KCNJ3: variants seen among roughly 807,000 people sequenced by gnomAD.
The protein encoded by KCNJ3 is potassium inwardly rectifying channel subfamily J member 3, also known as G protein-activated inward rectifier potassium channel 1.
A neutral mutation model predicts 39.2 loss-of-function variants in KCNJ3; 4 were observed. The ratio of observed to expected loss-of-function variants is 0.10; its 90% CI spans 0.05 to 0.23. The LOEUF is 0.23. KCNJ3 is among the 10% of genes least tolerant of loss of function. The pLI is 1.00. For missense variants in KCNJ3, 276 were observed against 634.9 expected (o/e 0.43, Z 6.08); for synonymous variants, 230 against 237.4 (o/e 0.97, Z 0.29).
intron 2 of KCNJ3, among the ~76,000 whole-genome samples, chr2:154,743,790 C>A (rs1685691760): frequency 6.6e-6 from 1 of 151,278 alleles, no homozygotes; most frequent in Non-Finnish European, 1.5e-5. Flanking sequence ...TTTTATTTTT[C>A]TCTTTTCAAC....
rs145967213 is a variant in KCNJ3 at position 154,754,570 on chromosome 2, C to G, written c.919+44751C>G. The stretch of plus-strand genomic sequence containing the variant: ...GATTACAGGCATGAGCCACCGCACC[C>G]GGCTGTAAACATTTCTTTAATAATA... On this transcript the variant is annotated intron_variant, in intron 2 of 2. Transcript: ENST00000295101. 5.3e-3 allele frequency among the ~76,000 whole-genome samples: 800 copies of G among 152,252 alleles called. 10 individuals are homozygous for G. Among genetic ancestry groups the G allele is most frequent in the African/African-American group, 0.018 (762 of 41,550 alleles).
intron 2 of KCNJ3, among the ~76,000 whole-genome samples, chr2:154,833,892 A>G (rs933605771): frequency 6.6e-6 from 1 of 152,008 alleles, no homozygotes; most frequent in Non-Finnish European, 1.5e-5. Context: ...ATTACTAAAT[A>G]ATAATTCTGT....
In KCNJ3 at chr2:154,779,578, C is replaced by G. The variant is rs554180493; in HGVS notation, c.919+69759C>G. ...ATAATTTTGGAGACAGAGTCTTGCT[C>G]TATATCCTAGGCTGGAGTGCAGTGG... On this transcript the variant is annotated intron_variant, in intron 2 of 2. Transcript: ENST00000295101. Among the ~76,000 whole-genome samples the G allele has an allele frequency of 9.0e-5, 13 of 145,202 alleles. No homozygotes were observed. In the East Asian group the frequency reaches 2.0e-3, roughly 22 times the overall value.
intron 2 of KCNJ3, among the ~76,000 whole-genome samples, chr2:154,748,721 C>T (rs1455650783): frequency 2.0e-5 from 3 of 152,030 alleles, no homozygotes; most frequent in African/African-American, 7.2e-5. Flanking sequence ...TGACTTACAT[C>T]CTCAAGAAAG....
At chr2:154,722,011 T>A in intron 2 of KCNJ3, among the ~76,000 whole-genome samples, 1 of 152,230 alleles carries the variant, frequency 6.6e-6, no homozygotes, top group East Asian at 1.9e-4. Flanking sequence ...AATAATCTTT[T>A]CTATTTCTAG....
chr2:154,751,861 A>G (rs1485824335), intron 2 of KCNJ3, among the ~76,000 whole-genome samples: 1 of 151,992 alleles, frequency 6.6e-6, no homozygotes, highest in Non-Finnish European at 1.5e-5. Context: ...TTTGTGTGCA[A>G]CCTAATCTTC....
intron 1 of KCNJ3, among the ~76,000 whole-genome samples, chr2:154,700,759 C>T (rs1046595573): frequency 1.3e-5 from 2 of 152,120 alleles, no homozygotes; most frequent in Non-Finnish European, 2.9e-5. Context: ...TTTCATTATT[C>T]ACTTACAAGA....
chr2:154,796,530 C>A (rs913403871), intron 2 of KCNJ3, among the ~76,000 whole-genome samples: 6 of 152,040 alleles, frequency 3.9e-5, no homozygotes, highest in African/African-American at 1.4e-4. Context: ...GATCCTGGGT[C>A]ATGTTTTTGT....
At chr2:154,737,349 C>T (rs1176571748) in intron 2 of KCNJ3, among the ~76,000 whole-genome samples, 1 of 152,118 alleles carries the variant, frequency 6.6e-6, no homozygotes, top group Non-Finnish European at 1.5e-5. Context: ...TAAATATGCT[C>T]AGAACAAAAC....
At chr2:154,716,383 C>T (rs1685181635) in intron 2 of KCNJ3, among the ~76,000 whole-genome samples, 2 of 151,154 alleles carry the variant, frequency 1.3e-5, no homozygotes, top group Admixed American at 1.3e-4. Flanking sequence ...CCTCGGCCTC[C>T]CAAAGTGCTG....
intron 2 of KCNJ3, among the ~76,000 whole-genome samples, chr2:154,732,213 G>A (rs557326763): frequency 4.6e-5 from 7 of 152,170 alleles, no homozygotes; most frequent in African/African-American, 1.2e-4. Flanking sequence ...TAAGAAGTGA[G>A]TTTTGCACCT....
intron 2 of KCNJ3, among the ~76,000 whole-genome samples, chr2:154,830,381 C>A (rs1687342478): frequency 6.6e-6 from 1 of 152,084 alleles, no homozygotes; most frequent in Non-Finnish European, 1.5e-5. Flanking sequence ...CCAGCAGATT[C>A]TTGTTGATTA....
At chr2:154,825,241 C>G (rs920865979) in intron 2 of KCNJ3, among the ~76,000 whole-genome samples, 1 of 152,108 alleles carries the variant, frequency 6.6e-6, no homozygotes, top group Admixed American at 6.5e-5. Context: ...TTCTTGACCT[C>G]ATGCTCAGGG....
chr2:154,765,324 T>C (rs2652436), intron 2 of KCNJ3, among the ~76,000 whole-genome samples: 119,351 of 152,180 alleles, frequency 0.78, 49,811 homozygotes, highest in South Asian at 0.92. Context: ...CATTCTCAAG[T>C]CATTCTATCC....
chr2:154,842,906 A>ATCTT (rs1257668844), intron 2 of KCNJ3, among the ~76,000 whole-genome samples: 1 of 152,076 alleles, frequency 6.6e-6, no homozygotes, highest in African/African-American at 2.4e-5. Flanking sequence ...GCCGGTCTGT[A>ATCTT]TCTTTTAATT....
intron 2 of KCNJ3, among the ~76,000 whole-genome samples, chr2:154,719,922 A>G (rs1016523983): frequency 6.6e-6 from 1 of 152,088 alleles, no homozygotes; most frequent in African/African-American, 2.4e-5. Flanking sequence ...CAATTTGATT[A>G]GTTTTAACTT....
At chr2:154,774,503 A>C (rs1686298270) in intron 2 of KCNJ3, among the ~76,000 whole-genome samples, 1 of 152,038 alleles carries the variant, frequency 6.6e-6, no homozygotes, top group Non-Finnish European at 1.5e-5. Context: ...TTTTTGACAA[A>C]ATTTTTTGCT....
At chr2:154,715,452 C>T (rs1685166332) in intron 2 of KCNJ3, among the ~76,000 whole-genome samples, 1 of 152,124 alleles carries the variant, frequency 6.6e-6, no homozygotes, top group Non-Finnish European at 1.5e-5. Context: ...GGATTTCTGC[C>T]TTTTCTCATA....
intron 2 of KCNJ3, among the ~76,000 whole-genome samples, chr2:154,733,191 T>C (rs551859348): frequency 6.6e-6 from 1 of 152,242 alleles, no homozygotes; most frequent in African/African-American, 2.4e-5. Flanking sequence ...AATTATTTTT[T>C]AGTGTCTATA....
Sources: allele counts gnomAD v4.1 joint callset (sites outside exome capture counted in the v4.1 genomes callset), GRCh38; gene constraint gnomAD v4.1.1; transcripts MANE v1.5; gene names NCBI Gene and HGNC (gene_info 2026-07-23, HGNC 2026-07-21).